Variants in PLSCR4 observed in about 807,000 individuals in gnomAD.
The protein encoded by PLSCR4 is Ca(2+)-dependent phospholipid scramblase 4.
In PLSCR4, 25 loss-of-function variants were observed where a neutral mutation model predicts 36.3. That is an observed-to-expected ratio of 0.69 (90% confidence interval 0.50 to 0.96). PLSCR4 has a LOEUF of 0.96. Among genes scored for constraint, PLSCR4 ranks in the 40% least tolerant of loss-of-function variants. The pLI, the probability that PLSCR4 is intolerant of heterozygous loss-of-function variation, is 0.00. For missense variants in PLSCR4, 408 were observed against 414.7 expected (o/e 0.98, Z 0.14); for synonymous variants, 122 against 132.9 (o/e 0.92, Z 0.56).
At chr3:146,208,319 T>C (rs6782950) in intron 3 of PLSCR4, among the ~76,000 whole-genome samples, 5,528 of 152,230 alleles carry the variant, frequency 0.036, 153 homozygotes, top group South Asian at 0.073. Flanking sequence ...CCTGAAACTA[T>C]AAAAATTCTA....
intron 1 of PLSCR4, among the ~76,000 whole-genome samples, chr3:146,236,766 G>A (rs1390998550): frequency 6.6e-6 from 1 of 151,816 alleles, no homozygotes; most frequent in Non-Finnish European, 1.5e-5. Flanking sequence ...TCAGCAGCGT[G>A]AAAATGGACT....
intron 1 of PLSCR4, among the ~76,000 whole-genome samples, chr3:146,249,539 T>C (rs979250748): frequency 2.0e-5 from 3 of 151,900 alleles, no homozygotes; most frequent in Non-Finnish European, 4.4e-5. Flanking sequence ...TCACCACAGT[T>C]TTGTAACACC....
intron 3 of PLSCR4, among the ~76,000 whole-genome samples, chr3:146,207,815 T>C (rs747040983): frequency 3.9e-5 from 6 of 152,120 alleles, no homozygotes; most frequent in Admixed American, 1.3e-4. Flanking sequence ...TCAAGGAACC[T>C]AGATTTCCTT....
intron 3 of PLSCR4, among the ~76,000 whole-genome samples, chr3:146,219,600 T>C (rs1004826498): frequency 7.2e-5 from 11 of 152,014 alleles, no homozygotes; most frequent in African/African-American, 2.7e-4. Context: ...ACCTGAGCTG[T>C]ATGGATCATA....
intron 1 of PLSCR4, among the ~76,000 whole-genome samples, chr3:146,247,676 G>A (rs188471473): frequency 1.3e-5 from 2 of 152,232 alleles, no homozygotes; most frequent in East Asian, 3.9e-4. Flanking sequence ...ATGCTGGAGT[G>A]CAGTGGCATG....
intron 4 of PLSCR4, among the ~76,000 whole-genome samples, chr3:146,201,477 C>T (rs1413436471): frequency 6.6e-6 from 1 of 152,044 alleles, no homozygotes; most frequent in Non-Finnish European, 1.5e-5. Flanking sequence ...GAACGATTAA[C>T]ACGGACCAGC....
chr3:146,237,394 T>G (rs2035961186), intron 1 of PLSCR4, among the ~76,000 whole-genome samples: 1 of 152,126 alleles, frequency 6.6e-6, no homozygotes, highest in African/African-American at 2.4e-5. Flanking sequence ...TATAATTATC[T>G]ATGTAACACT....
intron 3 of PLSCR4, among the ~76,000 whole-genome samples, chr3:146,212,432 G>T (rs867934325): frequency 0.084 from 2,081 of 24,656 alleles, 52 homozygotes; most frequent in African/African-American, 0.28. Flanking sequence ...GGGTTTTTTT[G>T]TTTTGTTTTT....
chr3:146,198,642 A>G (rs1226639433), intron 6 of PLSCR4, among the ~76,000 whole-genome samples: 3 of 152,050 alleles, frequency 2.0e-5, no homozygotes, highest in African/African-American at 7.2e-5. Flanking sequence ...CCTGGCCTCA[A>G]GTGATCCTCC....
intron 1 of PLSCR4, among the ~76,000 whole-genome samples, chr3:146,235,832 G>C (rs1261323914): frequency 1.3e-5 from 2 of 152,136 alleles, no homozygotes; most frequent in Non-Finnish European, 2.9e-5. Context: ...TAGAGCAAAG[G>C]TACTTCTGTT....
At chr3:146,220,765 T>C in intron 3 of PLSCR4, 50 bp downstream of exon 3, 1 of 1,130,248 alleles carries the variant, frequency 8.8e-7, no homozygotes, top group African/African-American at 1.5e-5. Flanking sequence ...TTTTAATCAT[T>C]AGTATGGTTT....
At chr3:146,237,724 T>C (rs1292439832) in intron 1 of PLSCR4, among the ~76,000 whole-genome samples, 1 of 151,916 alleles carries the variant, frequency 6.6e-6, no homozygotes, top group Non-Finnish European at 1.5e-5. Context: ...TGAGGCAAAT[T>C]TATAGTTGTA....
At chr3:146,227,038 A>G (rs1157915813) in intron 1 of PLSCR4, among the ~76,000 whole-genome samples, 1 of 152,200 alleles carries the variant, frequency 6.6e-6, no homozygotes, top group East Asian at 1.9e-4. Flanking sequence ...AAGGCAGGAT[A>G]ATTTCCAGTT....
intron 1 of PLSCR4, among the ~76,000 whole-genome samples, chr3:146,231,310 T>C (rs533086997): frequency 5.9e-5 from 9 of 152,250 alleles, no homozygotes; most frequent in African/African-American, 2.2e-4. Context: ...GCTATTGTGC[T>C]GCAATGAATA....
chr3:146,215,707 C>G (rs1306324560), intron 3 of PLSCR4, among the ~76,000 whole-genome samples: 1 of 152,118 alleles, frequency 6.6e-6, no homozygotes, highest in East Asian at 1.9e-4. Context: ...ATGTTAGAAG[C>G]TGAGATTCAC....
At chr3:146,245,781 A>C (rs2107865242) in intron 1 of PLSCR4, among the ~76,000 whole-genome samples, 1 of 152,212 alleles carries the variant, frequency 6.6e-6, no homozygotes, top group African/African-American at 2.4e-5. Context: ...TTTTTAAAAT[A>C]ATTTTTAAAA....
intron 1 of PLSCR4, among the ~76,000 whole-genome samples, chr3:146,234,374 AT>A (rs898615177): frequency 6.6e-6 from 1 of 152,034 alleles, no homozygotes; most frequent in African/African-American, 2.4e-5. Context: ...TTTTTAAAAA[AT>A]TTTTTTTATT....
At chr3:146,249,148 G>T (rs2036457654) in intron 1 of PLSCR4, among the ~76,000 whole-genome samples, 1 of 151,902 alleles carries the variant, frequency 6.6e-6, no homozygotes, top group South Asian at 2.1e-4. Flanking sequence ...TTTGGGGGAT[G>T]CAAATGTTAA....
chr3:146,248,624 T>C (rs909615386), intron 1 of PLSCR4, among the ~76,000 whole-genome samples: 1 of 152,172 alleles, frequency 6.6e-6, no homozygotes, highest in Non-Finnish European at 1.5e-5. Flanking sequence ...CCTTTGAATA[T>C]ACCATACATT....
Sources: gnomAD v4.1 joint callset for allele counts (sites outside exome capture counted in the v4.1 genomes callset) on GRCh38, gnomAD v4.1.1 for gene constraint, MANE v1.5 for transcripts, NCBI Gene and HGNC (gene_info 2026-07-23, HGNC 2026-07-21) for gene names.